The following GSTCD variants were observed in gnomAD, a reference collection of about 807,000 sequenced individuals.
GSTCD encodes the protein glutathione S-transferase C-terminal domain-containing protein.
In GSTCD, 44 loss-of-function variants were observed where a neutral mutation model predicts 68.3. The ratio of observed to expected loss-of-function variants is 0.64; its 90% CI spans 0.51 to 0.83. The LOEUF is 0.83. Ranked by LOEUF, GSTCD falls within the 40% of genes least tolerant of loss-of-function variation. The pLI, the probability that GSTCD is intolerant of heterozygous loss-of-function variation, is 0.00. For missense variants in GSTCD, 739 were observed against 735.9 expected (o/e 1.00, Z -0.05); for synonymous variants, 273 against 255.2 (o/e 1.07, Z -0.67).
intron 1 of GSTCD, chr4:105,711,100 TA>T (rs1321142215): frequency 2.6e-5 from 4 of 152,222 alleles, no homozygotes; most frequent in Non-Finnish European, 4.4e-5. Flanking sequence ...TTGTTTTGGT[TA>T]AATCTATATT....
intron 5 of GSTCD, among the ~76,000 whole-genome samples, chr4:105,762,765 C>A (rs1414598458): frequency 6.6e-6 from 1 of 152,102 alleles, no homozygotes; most frequent in Admixed American, 6.6e-5. Context: ...TTGAATTTCC[C>A]TGAATAGTTT....
intron 11 of GSTCD, among the ~76,000 whole-genome samples, chr4:105,844,150 C>A (rs1214690300): frequency 6.6e-6 from 1 of 152,056 alleles, no homozygotes; most frequent in Non-Finnish European, 1.5e-5. Flanking sequence ...TCAATGTAAA[C>A]CCTGGGTGGG....
rs143016001 is a variant in GSTCD at position 105,726,963 on chromosome 4, C to T, written c.1146+133C>T. On this transcript the variant is annotated intron_variant, in intron 4 of 11. Coordinates refer to ENST00000515279, the MANE Select transcript of GSTCD (RefSeq NM_001370181.1). ...ATTTGTAGCTTTCTTCACTCTTTACCAGTTAATATTTCTGCTACTCTTTTC... is the reference window on the plus strand; with the variant it reads ...ATTTGTAGCTTTCTTCACTCTTTACTAGTTAATATTTCTGCTACTCTTTTC... The T allele has an allele frequency of 2.8e-5, 19 of 687,038 alleles. No homozygotes were observed. In the African/African-American group the frequency reaches 3.1e-4, roughly 11 times the overall value. 42.6% of individuals were successfully genotyped at this position (687,038 alleles called of 1,614,324 possible). A position where few individuals can be genotyped will look rare whatever the true frequency, so the allele number is the denominator to read the frequency against.
intron 10 of GSTCD, among the ~76,000 whole-genome samples, chr4:105,841,043 C>T (rs1378233256): frequency 1.3e-5 from 2 of 152,084 alleles, no homozygotes; most frequent in South Asian, 2.1e-4. Context: ...AGGCCAGGCA[C>T]GGTACCTCAT....
At chr4:105,828,112 G>C (rs1294207980) in intron 8 of GSTCD, among the ~76,000 whole-genome samples, 1 of 152,084 alleles carries the variant, frequency 6.6e-6, no homozygotes, top group Non-Finnish European at 1.5e-5. Flanking sequence ...CAGATGATAA[G>C]GTACTGATTT....
intron 5 of GSTCD, among the ~76,000 whole-genome samples, chr4:105,766,432 G>A (rs777606331): frequency 2.6e-5 from 4 of 152,170 alleles, no homozygotes; most frequent in Non-Finnish European, 4.4e-5. Context: ...CCAGAGACCA[G>A]GGGAAACAGA....
intron 5 of GSTCD, among the ~76,000 whole-genome samples, chr4:105,789,338 G>A (rs777799778): frequency 6.6e-6 from 1 of 152,080 alleles, no homozygotes; most frequent in Non-Finnish European, 1.5e-5. Flanking sequence ...CAGCAATCCT[G>A]GGATGGCTTA....
Position 105,769,355 on chromosome 4 carries a change from G to A in GSTCD, c.1240+39856G>A, listed in dbSNP as rs191714797. Among the ~76,000 whole-genome samples the A allele has an allele frequency of 4.1e-3, 617 of 152,046 alleles. 2 individuals are homozygous for A. Among genetic ancestry groups the A allele is most frequent in the Middle Eastern group, 0.024 (7 of 292 alleles). ...GGGCAGTCTTCATGAACCAGTGACAGTTTGCTGATAAAGGAAGCAGCTAGT... is the reference window on the plus strand; with the variant it reads ...GGGCAGTCTTCATGAACCAGTGACAATTTGCTGATAAAGGAAGCAGCTAGT... On this transcript the variant is annotated intron_variant, in intron 5 of 11. Coordinates refer to ENST00000515279, the MANE Select transcript of GSTCD (RefSeq NM_001370181.1).
intron 5 of GSTCD, chr4:105,760,995 AATT>A: frequency 1.5e-5 from 4 of 258,986 alleles, no homozygotes; most frequent in Admixed American, 6.2e-5. Flanking sequence ...ATCCTTTTTT[AATT>A]TTTTTTTTTT....
intron 4 of GSTCD, among the ~76,000 whole-genome samples, chr4:105,727,736 G>A (rs537254022): frequency 2.0e-5 from 3 of 150,268 alleles, no homozygotes; most frequent in Non-Finnish European, 4.4e-5. Context: ...TCTCCTTGGG[G>A]CATAGTTTGT....
chr4:105,809,106 C>T (rs2149265836), intron 5 of GSTCD, among the ~76,000 whole-genome samples: 1 of 152,212 alleles, frequency 6.6e-6, no homozygotes, highest in Non-Finnish European at 1.5e-5. Context: ...TTGCTAAGAT[C>T]TGTGGTAAGA....
chr4:105,823,110 A>G, intron 6 of GSTCD, 41 bp downstream of exon 6: 4 of 1,576,922 alleles, frequency 2.5e-6, no homozygotes, highest in African/African-American at 1.4e-5. Context: ...TCTTTCTAAG[A>G]TTATGAGACT....
intron 5 of GSTCD, among the ~76,000 whole-genome samples, chr4:105,776,616 A>C (rs934982772): frequency 6.6e-6 from 1 of 152,092 alleles, no homozygotes; most frequent in South Asian, 2.1e-4. Context: ...CTTGCACTTC[A>C]TCGGTGAGGC....
At chr4:105,738,741 C>G (rs1733540218) in intron 5 of GSTCD, among the ~76,000 whole-genome samples, 1 of 152,000 alleles carries the variant, frequency 6.6e-6, no homozygotes, top group Non-Finnish European at 1.5e-5. Context: ...TGATAGAGCT[C>G]TTTGGTAGGT....
Position 105,717,946 on chromosome 4 carries a change from C to T in GSTCD, c.333C>T (p.His111=), listed in dbSNP as rs1364488029. 6.2e-7 allele frequency: 1 copy of T among 1,613,968 alleles called. No individual in the cohort carries two copies. Among genetic ancestry groups the T allele is most frequent in the South Asian group, 1.1e-5 (1 of 91,076 alleles). ...CRAGLAVVLR[H]IIQKSYEADP... ...CAGGACTTGCTGTTGTATTGAGACA[C>T]ATAATCCAGAAATCCTATGAAGCAG... is the stretch of plus-strand genomic sequence containing the variant. The change falls in exon 2 of 12, where the codon CAC becomes CAT. Residue 111 remains histidine (H), a synonymous_variant. Transcript: ENST00000515279.
chr4:105,756,754 G>C (rs1240576536), intron 5 of GSTCD, among the ~76,000 whole-genome samples: 1 of 152,034 alleles, frequency 6.6e-6, no homozygotes, highest in Admixed American at 6.6e-5. Flanking sequence ...ATCTGACAGA[G>C]TAATTGTGGA....
chr4:105,790,091 A>G (rs997633242), intron 5 of GSTCD, among the ~76,000 whole-genome samples: 3 of 152,070 alleles, frequency 2.0e-5, no homozygotes, highest in African/African-American at 4.8e-5. Flanking sequence ...TTGCTTTTCT[A>G]CTCAGTGGAA....
intron 5 of GSTCD, among the ~76,000 whole-genome samples, chr4:105,760,758 A>C (rs1008588560): frequency 6.6e-6 from 1 of 152,198 alleles, no homozygotes; most frequent in African/African-American, 2.4e-5. Context: ...AATGTCAGAA[A>C]AATAGTTTAT....
At chr4:105,730,334 GTTAAACTAGT>G (rs1346346793) in intron 5 of GSTCD, among the ~76,000 whole-genome samples, 4 of 152,120 alleles carry the variant, frequency 2.6e-5, no homozygotes, top group Non-Finnish European at 5.9e-5. Flanking sequence ...TTCCACAATG[GTTAAACTAGT>G]TTACAGTCCC....
Sources: gnomAD v4.1 joint callset for allele counts (sites outside exome capture counted in the v4.1 genomes callset) on GRCh38, gnomAD v4.1.1 for gene constraint, MANE v1.5 for transcripts, NCBI Gene and HGNC (gene_info 2026-07-23, HGNC 2026-07-21) for gene names.